The following GARRE1 variants were observed in gnomAD, a reference collection of about 807,000 sequenced individuals.
GARRE1 encodes granule associated Rac and RHOG effector protein 1.
GARRE1 carries 49 observed loss-of-function variants against 103.2 expected under a neutral mutation model. The ratio of observed to expected loss-of-function variants is 0.47; its 90% CI spans 0.38 to 0.60. The LOEUF (loss-of-function observed/expected upper bound fraction) is 0.60, where lower values mean the gene tolerates loss of function less well. GARRE1 is among the 20% of genes least tolerant of loss of function. GARRE1 has a pLI of 0.00. For synonymous variants in GARRE1, 505 were observed against 532.8 expected (o/e 0.95, Z 0.72); for missense variants, 1,199 against 1,370.5 (o/e 0.87, Z 1.98).
intron 1 of GARRE1, among the ~76,000 whole-genome samples, chr19:34,285,673 A>G (rs543186167): frequency 6.6e-6 from 1 of 151,102 alleles, no homozygotes; most frequent in African/African-American, 2.4e-5. Flanking sequence ...CAGTTCCATG[A>G]CCTTTTTTTT....
intron 1 of GARRE1, among the ~76,000 whole-genome samples, chr19:34,287,012 G>A (rs1472037721): frequency 4.6e-5 from 7 of 151,748 alleles, no homozygotes; most frequent in South Asian, 2.1e-4. Flanking sequence ...GGTGGCGGGC[G>A]CCTGTAGTCC....
intron 2 of GARRE1, among the ~76,000 whole-genome samples, chr19:34,318,281 C>T (rs1039304595): frequency 5.9e-5 from 9 of 152,176 alleles, no homozygotes; most frequent in African/African-American, 2.2e-4. Flanking sequence ...CACATGCGTG[C>T]CACAAGGCAG....
chr19:34,327,838 A>C lies in GARRE1; in HGVS notation c.914A>C (p.Asn305Thr). 6.2e-7 allele frequency: 1 copy of C among 1,614,210 alleles called. No individual in the cohort carries two copies. Among genetic ancestry groups the C allele is most frequent in the Non-Finnish European group, 8.5e-7 (1 of 1,180,038 alleles). Residue 305 changes from asparagine to threonine, a missense_variant, in exon 5 of 14, where the codon AAT becomes ACT. Transcript: ENST00000299505. ...EYAMKAGFHL[N>T]PKAIEASLQG... is the part of the protein sequence containing the mutation. Reference sequence around the variant, plus strand: ...GCAATGAAAGCCGGCTTCCACCTGAATCCAAAGGCGATTGAAGCAAGTTTG... The same window carrying C: ...GCAATGAAAGCCGGCTTCCACCTGACTCCAAAGGCGATTGAAGCAAGTTTG...
intron 1 of GARRE1, among the ~76,000 whole-genome samples, chr19:34,293,395 C>G (rs2073928514): frequency 8.1e-6 from 1 of 123,398 alleles, no homozygotes; most frequent in African/African-American, 3.0e-5. Context: ...TAATTGTTCT[C>G]TTGGAGCATT....
intron 8 of GARRE1, among the ~76,000 whole-genome samples, chr19:34,336,608 C>G (rs1450347956): frequency 6.6e-6 from 1 of 151,980 alleles, no homozygotes; most frequent in African/African-American, 2.4e-5. Flanking sequence ...GCTGGGATTA[C>G]AGGCACCTGC....
At chr19:34,286,897 A>G (rs1286317516) in intron 1 of GARRE1, among the ~76,000 whole-genome samples, 1 of 152,134 alleles carries the variant, frequency 6.6e-6, no homozygotes, top group African/African-American at 2.4e-5. Context: ...GGCTGTCAGC[A>G]GATTTTCAGT....
chr19:34,307,801 A>AAAAT (rs1555783161), intron 2 of GARRE1, among the ~76,000 whole-genome samples: 1 of 126,642 alleles, frequency 7.9e-6, no homozygotes, highest in Non-Finnish European at 1.7e-5. Flanking sequence ...ATAAAAAAAA[A>AAAAT]ATATATATAT....
At chr19:34,258,379 C>T (rs2073688599) in intron 1 of GARRE1, among the ~76,000 whole-genome samples, 1 of 152,164 alleles carries the variant, frequency 6.6e-6, no homozygotes, top group Non-Finnish European at 1.5e-5. Context: ...TTCCTTACCT[C>T]TGCCACCACT....
intron 1 of GARRE1, among the ~76,000 whole-genome samples, chr19:34,269,472 A>C (rs1246431670): frequency 1.3e-5 from 2 of 152,238 alleles, no homozygotes; most frequent in African/African-American, 2.4e-5. Context: ...TTCATAGCTC[A>C]GTATAGGATA....
At chr19:34,338,257 C>G in intron 8 of GARRE1, among the ~76,000 whole-genome samples, 1 of 152,222 alleles carries the variant, frequency 6.6e-6, no homozygotes, top group East Asian at 1.9e-4. Flanking sequence ...GGCTCTTGGC[C>G]AGACCAAGTG....
rs2074220486 is a variant in GARRE1, at chr19:34,348,019, C to A, written c.2664C>A (p.Pro888=). 1 of 1,500,666 alleles carries A rather than the reference C, an allele frequency of 6.7e-7. No homozygotes were observed. The highest frequency in any genetic ancestry group is 1.4e-5 in the African/African-American group (1 of 70,682). 93.0% of individuals were successfully genotyped at this position (1,500,666 alleles called of 1,614,324 possible). A position where few individuals can be genotyped will look rare whatever the true frequency, so the allele number is the denominator to read the frequency against. The change falls in exon 11 of 14, where the codon CCC becomes CCA. Residue 888 remains proline (P), a synonymous_variant. Coordinates refer to ENST00000299505, the MANE Select transcript of GARRE1 (RefSeq NM_014686.5). ...TGGATGACGCGCATCGGACCTGGCC[C>A]TTCCCCGAGTTCTTCACAGAAGGGT... ...PPMDDAHRTW[P]FPEFFTEGDG...
At chr19:34,296,509 T>G in intron 1 of GARRE1, 1 of 1,595,246 alleles carries the variant, frequency 6.3e-7, no homozygotes, top group South Asian at 1.1e-5. Context: ...TTAACCTCCT[T>G]GGGCTTTACG....
chr19:34,269,248 C>T (rs1428824555), intron 1 of GARRE1, among the ~76,000 whole-genome samples: 1 of 152,190 alleles, frequency 6.6e-6, no homozygotes, highest in Non-Finnish European at 1.5e-5. Context: ...CATGGATCAC[C>T]ACGTGGAAGC....
At chr19:34,277,721 T>G (rs2073825282) in intron 1 of GARRE1, among the ~76,000 whole-genome samples, 1 of 152,170 alleles carries the variant, frequency 6.6e-6, no homozygotes, top group Non-Finnish European at 1.5e-5. Flanking sequence ...ACCAAATCAT[T>G]TTAACAGTGA....
intron 1 of GARRE1, among the ~76,000 whole-genome samples, chr19:34,291,096 C>T (rs966439229): frequency 2.6e-4 from 40 of 151,624 alleles, no homozygotes; most frequent in African/African-American, 8.2e-4. Flanking sequence ...TTAGTAGATA[C>T]GAGCTTTCAC....
At chr19:34,273,099 G>T (rs967716206) in intron 1 of GARRE1, among the ~76,000 whole-genome samples, 1 of 149,746 alleles carries the variant, frequency 6.7e-6, no homozygotes, top group South Asian at 2.1e-4. Flanking sequence ...CTACTTGGGA[G>T]GCTGAGGCTG....
chr19:34,258,387 A>G (rs1006102745), intron 1 of GARRE1, among the ~76,000 whole-genome samples: 2 of 151,944 alleles, frequency 1.3e-5, no homozygotes, highest in Non-Finnish European at 2.9e-5. Context: ...CTCTGCCACC[A>G]CTTAGTGACC....
chr19:34,279,531 G>A (rs985166931), intron 1 of GARRE1, among the ~76,000 whole-genome samples: 4 of 151,880 alleles, frequency 2.6e-5, no homozygotes, highest in African/African-American at 9.7e-5. Context: ...CTTATTTTCT[G>A]TGTTTTGTTT....
At chr19:34,271,588 C>T (rs1178627355) in intron 1 of GARRE1, among the ~76,000 whole-genome samples, 7 of 152,154 alleles carry the variant, frequency 4.6e-5, no homozygotes, top group East Asian at 1.9e-4. Flanking sequence ...GAGCTGGGCG[C>T]GGTGGCTCAT....
Sources: gnomAD v4.1 joint callset for allele counts (sites outside exome capture counted in the v4.1 genomes callset) on GRCh38, gnomAD v4.1.1 for gene constraint, MANE v1.5 for transcripts, NCBI Gene and HGNC (gene_info 2026-07-23, HGNC 2026-07-21) for gene names.